Variants in DENND1A observed in about 807,000 individuals in gnomAD.
DENND1A encodes the protein DENN domain-containing protein 1A.
In DENND1A, 51 loss-of-function variants were observed where a neutral mutation model predicts 113.7. That is an observed-to-expected ratio of 0.45 (90% CI 0.36 to 0.57). The LOEUF (loss-of-function observed/expected upper bound fraction) is 0.57. DENND1A is among the 20% of genes least tolerant of loss of function. The pLI is 0.00. For synonymous variants in DENND1A, 565 were observed against 570.8 expected, an observed-to-expected ratio of 0.99 and a Z score of 0.14; for missense variants, 1,258 against 1,395.9, an observed-to-expected ratio of 0.90 and a Z score of 1.57.
At chr9:123,489,178 A>C (rs2051149772) in intron 13 of DENND1A, among the ~76,000 whole-genome samples, 1 of 152,220 alleles carries the variant, frequency 6.6e-6, no homozygotes, top group South Asian at 2.1e-4. Context: ...ACTATGTTTG[A>C]GACCACAGAT....
At chr9:123,888,956 C>CTGTGTGTGTGTGTGTG (rs58270598) in intron 1 of DENND1A, among the ~76,000 whole-genome samples, 13 of 131,176 alleles carry the variant, frequency 9.9e-5, no homozygotes, top group South Asian at 2.7e-4. Context: ...GTGCTTTAAA[C>CTGTGTGTGTGTGTGTG]TGTGTGTGTG....
At chr9:123,390,309 G>A (rs994615544) in intron 21 of DENND1A, among the ~76,000 whole-genome samples, 1 of 152,240 alleles carries the variant, frequency 6.6e-6, no homozygotes, top group Non-Finnish European at 1.5e-5. Context: ...TCCTGGAGCT[G>A]CACCACACTG....
intron 17 of DENND1A, among the ~76,000 whole-genome samples, chr9:123,451,829 A>G (rs2047739249): frequency 6.6e-6 from 1 of 152,240 alleles, no homozygotes; most frequent in Admixed American, 6.5e-5. Context: ...AATAATTTGA[A>G]GAACATTGAG....
At chr9:123,568,593 G>A (rs913673055) in intron 12 of DENND1A, among the ~76,000 whole-genome samples, 3 of 152,170 alleles carry the variant, frequency 2.0e-5, no homozygotes, top group South Asian at 4.1e-4. Context: ...ACCCAAACTT[G>A]GTGTGTATTT....
At chr9:123,690,732 A>G (rs958712598) in intron 5 of DENND1A, among the ~76,000 whole-genome samples, 7 of 152,210 alleles carry the variant, frequency 4.6e-5, no homozygotes, top group Non-Finnish European at 1.0e-4. Flanking sequence ...CTGGCTACCA[A>G]CTTCCAAGTG....
chr9:123,449,977 C>T lies in DENND1A; in HGVS notation c.1356+716G>A, dbSNP rs150949101. On this transcript the variant is annotated intron_variant, in intron 18 of 23. Transcript: ENST00000394215. ...CATGTATCCAAATACCACCTGTTTC[C>T]CCCAAAGGCTATGGCAATAAAAAAA... Among the ~76,000 whole-genome samples, 3 of 151,506 alleles carry T rather than the reference C, an allele frequency of 2.0e-5. No homozygotes were observed. The East Asian group carries it at 5.8e-4, about 29-fold the overall frequency.
intron 9 of DENND1A, among the ~76,000 whole-genome samples, chr9:123,637,574 C>T (rs2061770243): frequency 6.6e-6 from 1 of 152,118 alleles, no homozygotes; most frequent in Admixed American, 6.5e-5. Context: ...TGAGAAAAAC[C>T]TTTAATTATA....
intron 13 of DENND1A, among the ~76,000 whole-genome samples, chr9:123,469,620 A>C (rs11999243): frequency 0.17 from 26,254 of 152,234 alleles, 2,594 homozygotes; most frequent in African/African-American, 0.27. Context: ...TGAAGGTGGT[A>C]TTCATGCATA....
intron 13 of DENND1A, among the ~76,000 whole-genome samples, chr9:123,508,325 T>TA (rs2053150837): frequency 6.6e-6 from 1 of 152,252 alleles, no homozygotes. Flanking sequence ...CATACATGCT[T>TA]ACAGAAAATA....
intron 10 of DENND1A, among the ~76,000 whole-genome samples, chr9:123,619,784 T>C (rs1036284664): frequency 1.3e-5 from 2 of 152,198 alleles, no homozygotes; most frequent in African/African-American, 4.8e-5. Context: ...TTAAAAAATG[T>C]AGCAGAGAAA....
intron 4 of DENND1A, among the ~76,000 whole-genome samples, chr9:123,765,339 T>C (rs568174613): frequency 1.3e-5 from 2 of 152,292 alleles, no homozygotes; most frequent in African/African-American, 4.8e-5. Flanking sequence ...TTTCCTCCTG[T>C]GTGGCATGAG....
intron 1 of DENND1A, among the ~76,000 whole-genome samples, chr9:123,925,845 T>C (rs1856999267): frequency 6.7e-6 from 1 of 149,748 alleles, no homozygotes. Flanking sequence ...CCTGTTCCTA[T>C]GCCTCAAGTC....
At chr9:123,417,821 C>T (rs569543197) in intron 19 of DENND1A, among the ~76,000 whole-genome samples, 9 of 151,984 alleles carry the variant, frequency 5.9e-5, no homozygotes, top group Non-Finnish European at 1.3e-4. Flanking sequence ...GCACATGTCT[C>T]ACCAAGACTC....
At chr9:123,836,219 G>A (rs1397796288) in intron 2 of DENND1A, among the ~76,000 whole-genome samples, 1 of 152,034 alleles carries the variant, frequency 6.6e-6, no homozygotes, top group Non-Finnish European at 1.5e-5. Flanking sequence ...GTATGTCCAG[G>A]GCACTGTCTC....
chr9:123,508,121 C>T (rs1170259827), intron 13 of DENND1A, among the ~76,000 whole-genome samples: 8 of 152,122 alleles, frequency 5.3e-5, no homozygotes, highest in South Asian at 4.1e-4. Flanking sequence ...CAAGAAACAC[C>T]GCCTCAGCTA....
intron 21 of DENND1A, among the ~76,000 whole-genome samples, chr9:123,397,329 A>G (rs1247200945): frequency 6.6e-6 from 1 of 152,138 alleles, no homozygotes; most frequent in African/African-American, 2.4e-5. Flanking sequence ...TGATTTTTGT[A>G]TGTTTAGTAG....
At chr9:123,805,670 G>A (rs1325841637) in intron 2 of DENND1A, among the ~76,000 whole-genome samples, 1 of 152,060 alleles carries the variant, frequency 6.6e-6, no homozygotes, top group Non-Finnish European at 1.5e-5. Flanking sequence ...CTGACCTCAA[G>A]TGACCTGCCC....
intron 13 of DENND1A, among the ~76,000 whole-genome samples, chr9:123,497,474 T>C (rs570194367): frequency 1.3e-5 from 2 of 152,252 alleles, no homozygotes; most frequent in East Asian, 1.9e-4. Context: ...CACAACACCA[T>C]GTCCAGCTAA....
chr9:123,605,830 T>C (rs1196033014), intron 11 of DENND1A, among the ~76,000 whole-genome samples: 1 of 152,254 alleles, frequency 6.6e-6, no homozygotes, highest in Non-Finnish European at 1.5e-5. Context: ...AAAGTCTTCC[T>C]ATGGTAGCTT....
Sources: gnomAD v4.1 joint callset for allele counts (sites outside exome capture counted in the v4.1 genomes callset) on GRCh38, gnomAD v4.1.1 for gene constraint, MANE v1.5 for transcripts, NCBI Gene and HGNC (gene_info 2026-07-23, HGNC 2026-07-21) for gene names.